CCDC136: variants seen among roughly 807,000 people sequenced by gnomAD.
CCDC136 encodes the protein coiled-coil domain-containing protein 136.
Under a neutral mutation model 141.2 loss-of-function variants are expected in CCDC136, and 100 were observed. The ratio of observed to expected loss-of-function variants is 0.71; its 90% CI spans 0.60 to 0.84. The LOEUF is 0.84. CCDC136 is among the 40% of genes least tolerant of loss of function. The pLI is 0.00. For synonymous variants in CCDC136, 474 were observed against 531.9 expected (o/e 0.89, Z 1.50); for missense variants, 1,206 against 1,379.4 (o/e 0.87, Z 1.99).
chr7:128,818,215 A>G (rs1480455033), intron 17 of CCDC136: 1 of 233,308 alleles, frequency 4.3e-6, no homozygotes, highest in African/African-American at 2.3e-5. Context: ...GGCTAGCCTG[A>G]CCACTTCTGA....
intron 15 of CCDC136, 59 bp from the exon 16 acceptor site, chr7:128,815,555 T>C: frequency 1.3e-6 from 2 of 1,483,682 alleles, no homozygotes; most frequent in East Asian, 2.5e-5. Flanking sequence ...AGCATTGTCA[T>C]GAGATTAGGA....
chr7:128,816,761 C>T (rs1392451208), intron 16 of CCDC136, among the ~76,000 whole-genome samples: 3 of 152,186 alleles, frequency 2.0e-5, no homozygotes, highest in Non-Finnish European at 2.9e-5. Context: ...AGAGTATTTC[C>T]TGTGTAAGTC....
chr7:128,814,885 C>T lies in CCDC136; in HGVS notation c.3011C>T (p.Ser1004Leu), dbSNP rs150275906. 3.6e-5 allele frequency: 57 copies of T among 1,604,274 alleles called. 2 individuals carry two copies. The African/African-American group carries it at 4.7e-4, about 13-fold the overall frequency. ...VKMKKVTKPC[S>L]DTSESDLETR... ...ATGAAAAAGGTGACCAAGCCATGCT[C>T]GGATACTTCTGAGAGCGACCTTGAG... is the stretch of plus-strand genomic sequence containing the variant. The change falls in exon 15 of 18, where the codon TCG (serine) becomes TTG (leucine). Residue 1004 changes from serine to leucine, a missense_variant. Coordinates refer to ENST00000297788, the MANE Select transcript of CCDC136 (RefSeq NM_022742.5).
In CCDC136 at chr7:128,815,755, G is replaced by A; in HGVS notation, c.3187G>A (p.Val1063Ile). Residue 1063 changes from valine (V) to isoleucine (I), a missense_variant, in exon 16 of 18, where the codon GTT becomes ATT. Physicochemically the swap from Val to Ile is conservative, Grantham distance 29 (BLOSUM62 3). Coordinates refer to ENST00000297788, the MANE Select transcript of CCDC136 (RefSeq NM_022742.5). ...AAAGGAGCAGTGTGGGGATGAGCTA[G>A]TTGCTGAGCCAGCAGATCCTGAGGA... is the stretch of plus-strand genomic sequence containing the variant. ...EAKEQCGDELVAEPADPEEAK... is the reference protein window; with the variant it reads ...EAKEQCGDELIAEPADPEEAK... 6.4e-7 allele frequency: 1 copy of A among 1,567,182 alleles called. No homozygotes were observed. Among genetic ancestry groups the A allele is most frequent in the Non-Finnish European group, 8.6e-7 (1 of 1,156,330 alleles).
chr7:128,818,062 G>A (rs757551328), intron 17 of CCDC136, 198 bp downstream of exon 17: 53 of 562,854 alleles, frequency 9.4e-5, no homozygotes, highest in South Asian at 1.9e-4. Flanking sequence ...GCATGTCTTC[G>A]TAATGCATAG....
Position 128,817,936 on chromosome 7 carries a change from C to A in CCDC136, c.*5+72C>A. On this transcript the variant is annotated intron_variant, in intron 17 of 17. Transcript: ENST00000297788. The surrounding 1 kb of genome is among the most constrained non-coding windows in gnomAD (Gnocchi z 4.6). The stretch of plus-strand genomic sequence containing the variant: ...AGGTTGCCCTGGCCTCTCCTCTTTC[C>A]CTTTTCTCCCAGCTGCTTGCTTCTT... 9.1e-7 allele frequency: 1 copy of A among 1,093,754 alleles called. No individual in the cohort carries two copies. Among genetic ancestry groups the A allele is most frequent in the Non-Finnish European group, 1.4e-6 (1 of 723,828 alleles). 67.8% of individuals were successfully genotyped at this position (1,093,754 alleles called of 1,614,324 possible).
intron 8 of CCDC136, 111 bp downstream of exon 8, chr7:128,806,506 A>G: frequency 8.7e-7 from 1 of 1,143,422 alleles, no homozygotes; most frequent in Non-Finnish European, 1.2e-6. Flanking sequence ...GCAACCACAT[A>G]GGCAGCACCA....
rs1355562507 is a variant in CCDC136, at chr7:128,794,129, G to T, written c.17-219G>T. On this transcript the variant is annotated intron_variant, in intron 1 of 17. Transcript: ENST00000297788. This position sits in a 1 kb window ranked among gnomAD's most constrained non-coding sequence, Gnocchi z 4.3. Reference sequence around the variant, plus strand: ...TAGGAGGCTACCAAGTGCAACATTGGTCCAGGAAGGGCCTGGGAGGTGGAG... The same window carrying T: ...TAGGAGGCTACCAAGTGCAACATTGTTCCAGGAAGGGCCTGGGAGGTGGAG... 4 of 641,062 alleles carry T rather than the reference G, an allele frequency of 6.2e-6. No homozygotes were observed. The allele number at this position is 641,062 out of a possible 1,614,324, so 39.7% of individuals were successfully genotyped here.
intron 3 of CCDC136, among the ~76,000 whole-genome samples, chr7:128,797,068 C>T (rs1018572857): frequency 1.3e-5 from 2 of 152,010 alleles, no homozygotes; most frequent in Non-Finnish European, 2.9e-5. Context: ...GTGAAGCCCT[C>T]GGGATTTGCT....
intron 10 of CCDC136, chr7:128,807,842 T>G: frequency 5.3e-6 from 1 of 187,318 alleles, no homozygotes; most frequent in Non-Finnish European, 1.1e-5. Flanking sequence ...TAGTGATATC[T>G]AGTCATTCTT....
In CCDC136 at chr7:128,805,935, G is replaced by A; in HGVS notation, c.1089+34G>A. 6.2e-7 allele frequency: 1 copy of A among 1,611,910 alleles called. No homozygotes were observed. Among genetic ancestry groups the A allele is most frequent in the African/African-American group, 1.3e-5 (1 of 74,978 alleles). On this transcript the variant is annotated intron_variant, in intron 7 of 17. Coordinates refer to ENST00000297788, the MANE Select transcript of CCDC136 (RefSeq NM_022742.5). The surrounding 1 kb of genome is among the most constrained non-coding windows in gnomAD (Gnocchi z 4.6). ...TGCCCGGGGAGGCATCTGGGGTGGG[G>A]GCAGAAGGGCCTCATGGAGGGGCTG...
At position 128,811,808 on chromosome 7, in the gene CCDC136, G is replaced by C. The variant is rs1436237924; in HGVS notation, c.2037G>C (p.Lys679Asn). Residue 679 changes from lysine (K) to asparagine (N), a missense_variant, in exon 13 of 18, where the codon AAG becomes AAC. By Grantham distance (94) the Lys-to-Asn change is moderately conservative. Coordinates refer to ENST00000297788, the MANE Select transcript of CCDC136 (RefSeq NM_022742.5). ...CCCACCCCTGCCCCCAGCAATCCAA[G>C]CTGCTCATGGAGCAGATGCAGGCCC... ...SSKCNRNKQS[K>N]LLMEQMQALQ... The C allele has an allele frequency of 6.4e-7, 1 of 1,573,918 alleles. No homozygotes were observed. The highest frequency in any genetic ancestry group is 8.6e-7 in the Non-Finnish European group (1 of 1,163,362).
At chr7:128,806,017 A>T in intron 7 of CCDC136, 116 bp downstream of exon 7, 1 of 1,254,946 alleles carries the variant, frequency 8.0e-7, no homozygotes, top group East Asian at 2.4e-5. Context: ...CTTGCCCTGC[A>T]ACTGGGCACA....
At chr7:128,811,326 T>C (rs912072299) in intron 12 of CCDC136, 4 of 451,604 alleles carry the variant, frequency 8.9e-6, no homozygotes, top group South Asian at 1.6e-5. Context: ...AGATTCAGAA[T>C]TGGGGCAGGA....
rs761197478 is a variant in CCDC136 at position 128,810,320 on chromosome 7, C to G, written c.1982C>G (p.Pro661Arg). The change falls in exon 12 of 18, where the codon CCC (proline) becomes CGC (arginine). Residue 661 changes from proline to arginine, a missense_variant. Physicochemically the swap from Pro to Arg is moderately radical, Grantham distance 103. Coordinates refer to ENST00000297788, the MANE Select transcript of CCDC136 (RefSeq NM_022742.5). ...CATTTCCAGGAAGTGTTGGAGAATC[C>G]CGATGATTCCAAATTGGCTAAGTCC... Reference protein sequence around the residue: ...ESHFQEVLENPDDSKLAKSSK... With the variant: ...ESHFQEVLENRDDSKLAKSSK... The G allele has an allele frequency of 5.6e-6, 9 of 1,613,784 alleles. No homozygotes were observed. Among genetic ancestry groups the G allele is most frequent in the Non-Finnish European group, 7.6e-6 (9 of 1,179,852 alleles).
chr7:128,801,240 G>A lies in CCDC136; in HGVS notation c.401G>A (p.Ser134Asn). 1 of 1,613,954 alleles carries A rather than the reference G, an allele frequency of 6.2e-7. No individual in the cohort carries two copies. The highest frequency in any genetic ancestry group is 1.1e-5 in the South Asian group (1 of 91,078). ...EISLLEHEKESELKEIEQELH... is the reference protein window; with the variant it reads ...EISLLEHEKENELKEIEQELH... Reference sequence around the variant, plus strand: ...TCCCTGTTAGAGCATGAGAAAGAAAGCGAACTTAAGGAAATAGAACAGGAA... The same window carrying A: ...TCCCTGTTAGAGCATGAGAAAGAAAACGAACTTAAGGAAATAGAACAGGAA... Residue 134 changes from serine (S) to asparagine (N), a missense_variant, in exon 4 of 18, where the codon AGC (serine) becomes AAC (asparagine). By Grantham distance (46) the Ser-to-Asn change is conservative. Transcript: ENST00000297788.
Position 128,803,298 on chromosome 7 carries a change from A to T in CCDC136, c.671-1352A>T, listed in dbSNP as rs57252107. 7.3e-3 allele frequency among the ~76,000 whole-genome samples: 1,111 copies of T among 152,268 alleles called. 9 individuals carry two copies. Among genetic ancestry groups the T allele is most frequent in the South Asian group, 0.032 (154 of 4,824 alleles). ...TGGGATCACAGGTGTAAACCACTGC[A>T]CCCGGCCAACATAATTCTTAGTCAT... On this transcript the variant is annotated intron_variant, in intron 4 of 17. Transcript: ENST00000297788.
rs1802952085 is a variant in CCDC136 at position 128,796,392 on chromosome 7, A to C, written c.346+1624A>C. 2.6e-5 allele frequency among the ~76,000 whole-genome samples: 4 copies of C among 152,234 alleles called. No homozygotes were observed. In the South Asian group the frequency reaches 8.3e-4, roughly 32 times the overall value. The stretch of plus-strand genomic sequence containing the variant: ...TTGTTTGAGCGACAGAACAGAGGCC[A>C]CTGTGTTTGCAGCAAAGTGCACGTG... On this transcript the variant is annotated intron_variant, in intron 3 of 17. Transcript: ENST00000297788.
Position 128,817,469 on chromosome 7 carries a change from AGAGGTATGT to A in CCDC136, c.3364-286_3364-278del, listed in dbSNP as rs1231847386. ...GATACCTCCTGCTTGACAGGATATG[AGAGGTATGT>A]GACGAGACAGAAAGAAAACTGGACT... On this transcript the variant is annotated intron_variant, in intron 16 of 17. Transcript: ENST00000297788. This position sits in a 1 kb window ranked among gnomAD's most constrained non-coding sequence, Gnocchi z 4.6. Among the ~76,000 whole-genome samples the A allele has an allele frequency of 6.6e-6, 1 of 152,062 alleles. No homozygotes were observed. Among genetic ancestry groups the A allele is most frequent in the Non-Finnish European group, 1.5e-5 (1 of 68,008 alleles).
Sources: allele counts gnomAD v4.1 joint callset (sites outside exome capture counted in the v4.1 genomes callset), GRCh38; gene constraint gnomAD v4.1.1; non-coding constraint Gnocchi (gnomAD v3.1); transcripts MANE v1.5; gene names NCBI Gene and HGNC (gene_info 2026-07-23, HGNC 2026-07-21).